The following DCC variants were observed in gnomAD, a reference collection of about 807,000 sequenced individuals.
The protein encoded by DCC is netrin receptor DCC.
A neutral mutation model predicts 172.5 loss-of-function variants in DCC; 58 were observed. The ratio of observed to expected loss-of-function variants is 0.34; its 90% CI spans 0.27 to 0.42. DCC has a LOEUF of 0.42. Ranked by LOEUF, DCC falls within the 10% of genes least tolerant of loss-of-function variation. DCC has a pLI of 1.00. For synonymous variants in DCC, 709 were observed against 644.5 expected, an observed-to-expected ratio of 1.10 and a Z score of -1.52; for missense variants, 1,740 against 1,791.0, an observed-to-expected ratio of 0.97 and a Z score of 0.51.
intron 25 of DCC, chr18:53,480,735 C>T (rs2045821656): frequency 6.6e-6 from 1 of 152,110 alleles, no homozygotes; most frequent in African/African-American, 2.4e-5. Flanking sequence ...ATCGGTACTC[C>T]ATTGTGCAGA....
At chr18:52,416,244 G>T (rs1159764504) in intron 1 of DCC, among the ~76,000 whole-genome samples, 1 of 152,088 alleles carries the variant, frequency 6.6e-6, no homozygotes, top group Admixed American at 6.5e-5. Context: ...GAGACAATTT[G>T]TTTTATTTTC....
At chr18:52,914,196 C>A (rs1468699961) in intron 3 of DCC, among the ~76,000 whole-genome samples, 5 of 113,050 alleles carry the variant, frequency 4.4e-5, no homozygotes, top group African/African-American at 1.5e-4. Context: ...CTGTCAGCTG[C>A]AAAATTAAAA....
At chr18:52,837,351 T>TGGCAG (rs1598852880) in intron 2 of DCC, among the ~76,000 whole-genome samples, 1 of 152,238 alleles carries the variant, frequency 6.6e-6, no homozygotes, top group East Asian at 1.9e-4. Flanking sequence ...TCTGTTGCAT[T>TGGCAG]GGCAGGCTGC....
intron 1 of DCC, among the ~76,000 whole-genome samples, chr18:52,546,904 G>A (rs370434454): frequency 6.6e-6 from 1 of 152,058 alleles, no homozygotes; most frequent in East Asian, 1.9e-4. Flanking sequence ...TGTGCACGAT[G>A]GATCCAATTT....
chr18:52,366,397 G>C (rs1171311316), intron 1 of DCC, among the ~76,000 whole-genome samples: 1 of 152,158 alleles, frequency 6.6e-6, no homozygotes, highest in Non-Finnish European at 1.5e-5. Context: ...CGGGCAGCCT[G>C]TTTTTATTCT....
At chr18:53,077,483 C>A (rs563263594) in intron 7 of DCC, among the ~76,000 whole-genome samples, 1 of 152,096 alleles carries the variant, frequency 6.6e-6, no homozygotes, top group Non-Finnish European at 1.5e-5. Context: ...CTGTTATGTC[C>A]TCTGGTCCCG....
chr18:53,425,873 T>C (rs1343033810), intron 21 of DCC, among the ~76,000 whole-genome samples: 2 of 152,130 alleles, frequency 1.3e-5, no homozygotes. Context: ...TTCTGATCCA[T>C]TTAGTTCCAC....
chr18:53,014,326 C>G (rs532929407), intron 5 of DCC, among the ~76,000 whole-genome samples: 2 of 152,040 alleles, frequency 1.3e-5, no homozygotes, highest in Admixed American at 1.3e-4. Context: ...TACATGTGCA[C>G]AACGTGCAGG....
chr18:53,085,957 C>CTCTTCTTCTTCTTCTTCTTCT (rs747047237), intron 7 of DCC, among the ~76,000 whole-genome samples: 2 of 65,898 alleles, frequency 3.0e-5, no homozygotes, highest in African/African-American at 2.8e-4. Context: ...GGAGTATTTT[C>CTCTTCTTCTTCTTCTTCTTCT]TCTTCTTCTT....
At chr18:52,738,877 G>A (rs1207964162) in intron 1 of DCC, among the ~76,000 whole-genome samples, 1 of 144,580 alleles carries the variant, frequency 6.9e-6, no homozygotes, top group African/African-American at 2.6e-5. Context: ...GACTACAGGT[G>A]CACACTACCA....
intron 2 of DCC, among the ~76,000 whole-genome samples, chr18:52,855,655 A>G (rs6508170): frequency 0.87 from 131,677 of 152,202 alleles, 58,186 homozygotes; most frequent in Middle Eastern, 0.97. Flanking sequence ...TGCACAGTTA[A>G]AGTTAATAAG....
At chr18:53,100,478 G>A (rs1397098789) in intron 7 of DCC, among the ~76,000 whole-genome samples, 1 of 151,986 alleles carries the variant, frequency 6.6e-6, no homozygotes, top group Non-Finnish European at 1.5e-5. Flanking sequence ...TTGAAGTAAA[G>A]TCAGAGAAAA....
intron 12 of DCC, among the ~76,000 whole-genome samples, chr18:53,219,798 G>A (rs1337008512): frequency 1.3e-5 from 2 of 152,106 alleles, no homozygotes; most frequent in Admixed American, 6.6e-5. Context: ...GCAATCATAT[G>A]ATTTCCTTTA....
intron 2 of DCC, among the ~76,000 whole-genome samples, chr18:52,782,875 C>A (rs1216146443): frequency 1.3e-5 from 2 of 152,096 alleles, no homozygotes; most frequent in African/African-American, 4.8e-5. Context: ...ATTTTAAAAT[C>A]TGACACTCTA....
intron 7 of DCC, among the ~76,000 whole-genome samples, chr18:53,154,808 G>T (rs2054702512): frequency 6.6e-6 from 1 of 152,142 alleles, no homozygotes; most frequent in African/African-American, 2.4e-5. Flanking sequence ...AGGCTGAGGG[G>T]GAGGGAGAGA....
intron 5 of DCC, among the ~76,000 whole-genome samples, chr18:52,966,773 C>G (rs1188424005): frequency 6.6e-6 from 1 of 152,184 alleles, no homozygotes; most frequent in African/African-American, 2.4e-5. Context: ...TCATGACTTT[C>G]TCTGTTTCAA....
At chr18:52,400,884 G>T (rs549966952) in intron 1 of DCC, among the ~76,000 whole-genome samples, 1 of 152,026 alleles carries the variant, frequency 6.6e-6, no homozygotes, top group South Asian at 2.1e-4. Context: ...ATAAGTGGGA[G>T]TTGGACAGTG....
At chr18:52,760,109 A>G (rs1236688474) in intron 2 of DCC, among the ~76,000 whole-genome samples, 1 of 152,236 alleles carries the variant, frequency 6.6e-6, no homozygotes, top group Non-Finnish European at 1.5e-5. Flanking sequence ...TATAAAGGAA[A>G]GAGGTTTAAT....
intron 2 of DCC, among the ~76,000 whole-genome samples, chr18:52,856,020 C>T (rs1164543165): frequency 6.6e-6 from 1 of 151,794 alleles, no homozygotes; most frequent in Non-Finnish European, 1.5e-5. Flanking sequence ...CTGCCTCGGC[C>T]TCCCAAAGTG....
Sources: gnomAD v4.1 joint callset for allele counts (sites outside exome capture counted in the v4.1 genomes callset) on GRCh38, gnomAD v4.1.1 for gene constraint, MANE v1.5 for transcripts, NCBI Gene and HGNC (gene_info 2026-07-23, HGNC 2026-07-21) for gene names.